STK32B: variants seen among roughly 807,000 people sequenced by gnomAD.
STK32B encodes serine/threonine-protein kinase 32B.
STK32B carries 43 observed loss-of-function variants against 52.6 expected under a neutral mutation model. That is an observed-to-expected ratio of 0.82 (90% confidence interval 0.64 to 1.05). The LOEUF (loss-of-function observed/expected upper bound fraction) is 1.05, where lower values mean the gene tolerates loss of function less well. Ranked by LOEUF, STK32B falls within the 50% of genes least tolerant of loss-of-function variation. The pLI, the probability that STK32B is intolerant of heterozygous loss-of-function variation, is 0.00. For synonymous variants in STK32B, 238 were observed against 204.3 expected, an observed-to-expected ratio of 1.17 and a Z score of -1.41; for missense variants, 621 against 534.6, an observed-to-expected ratio of 1.16 and a Z score of -1.59.
At position 5,380,173 on chromosome 4, in the gene STK32B, G is replaced by A. The variant is rs960514982; in HGVS notation, c.435-18034G>A. On this transcript the variant is annotated intron_variant, in intron 4 of 11. Coordinates refer to ENST00000282908, the MANE Select transcript of STK32B (RefSeq NM_018401.3). The surrounding 1 kb of genome is among the most constrained non-coding windows in gnomAD (Gnocchi z 4.3). ...CGCTCCTAACCAGACCCATCCTGCAGCTGGCTGTAAGCTATTTCATTATCT... is the reference window on the plus strand; with the variant it reads ...CGCTCCTAACCAGACCCATCCTGCAACTGGCTGTAAGCTATTTCATTATCT... 6.6e-6 allele frequency among the ~76,000 whole-genome samples: 1 copy of A among 152,114 alleles called. No individual in the cohort carries two copies. The highest frequency in any genetic ancestry group is 1.5e-5 in the Non-Finnish European group (1 of 68,034).
At chr4:5,104,207 A>C (rs971531792) in intron 1 of STK32B, among the ~76,000 whole-genome samples, 1 of 152,122 alleles carries the variant, frequency 6.6e-6, no homozygotes, top group African/African-American at 2.4e-5. Context: ...TTTCCCCCAT[A>C]CTGTTCTCAT....
At chr4:5,092,397 T>C (rs1014143679) in intron 1 of STK32B, among the ~76,000 whole-genome samples, 3 of 152,096 alleles carry the variant, frequency 2.0e-5, no homozygotes, top group African/African-American at 7.2e-5. Flanking sequence ...CCCAGCGTTG[T>C]GGTGGGCACC....
In STK32B at chr4:5,317,026, A is replaced by G. The variant is rs1478768147; in HGVS notation, c.261-14194A>G. ...ATATAATATATATAATATATAATAT[A>G]TATGATATAATATATTATATATATA... On this transcript the variant is annotated intron_variant, in intron 3 of 11. Coordinates refer to ENST00000282908, the MANE Select transcript of STK32B (RefSeq NM_018401.3). Among the ~76,000 whole-genome samples the G allele has an allele frequency of 2.2e-4, 10 of 44,930 alleles. 1 individual carries two copies. The highest frequency in any genetic ancestry group is 3.2e-4 in the Non-Finnish European group (10 of 31,592). 29.5% of individuals were successfully genotyped at this position (44,930 alleles called of 152,430 possible). A position where few individuals can be genotyped will look rare whatever the true frequency, so the allele number is the denominator to read the frequency against.
chr4:5,290,729 C>A (rs1238385371), intron 3 of STK32B, among the ~76,000 whole-genome samples: 1 of 150,854 alleles, frequency 6.6e-6, no homozygotes, highest in African/African-American at 2.4e-5. Context: ...ACACTGAAAA[C>A]TATAAAACAG....
intron 1 of STK32B, among the ~76,000 whole-genome samples, chr4:5,135,037 T>C (rs185899738): frequency 2.0e-5 from 3 of 152,358 alleles, no homozygotes; most frequent in Non-Finnish European, 4.4e-5. Context: ...CAACCAGATT[T>C]ACCCAGTGTG....
At chr4:5,388,300 G>GGGAT (rs1377964836) in intron 4 of STK32B, among the ~76,000 whole-genome samples, 1 of 152,228 alleles carries the variant, frequency 6.6e-6, no homozygotes, top group East Asian at 1.9e-4. Flanking sequence ...CTGCTAAGTA[G>GGGAT]GGATGGGTGC....
intron 3 of STK32B, among the ~76,000 whole-genome samples, chr4:5,251,687 T>C (rs1324041621): frequency 1.3e-5 from 2 of 152,222 alleles, no homozygotes; most frequent in Non-Finnish European, 2.9e-5. Flanking sequence ...TTTAACAATA[T>C]TGATTCTTCC....
chr4:5,448,512 A>T (rs1356085839), intron 7 of STK32B, among the ~76,000 whole-genome samples: 1 of 152,262 alleles, frequency 6.6e-6, no homozygotes, highest in African/African-American at 2.4e-5. Context: ...GGCTCCTGCC[A>T]ACAGAAAAGA....
chr4:5,496,712 T>C (rs1394638091), intron 11 of STK32B, among the ~76,000 whole-genome samples: 1 of 152,100 alleles, frequency 6.6e-6, no homozygotes, highest in Non-Finnish European at 1.5e-5. Context: ...CCCATTTTCC[T>C]GGTCTTAAGT....
intron 1 of STK32B, among the ~76,000 whole-genome samples, chr4:5,135,810 A>G (rs1209360202): frequency 6.6e-6 from 1 of 152,184 alleles, no homozygotes; most frequent in African/African-American, 2.4e-5. Context: ...ATACACAAAA[A>G]ATGCTTTCCC....
intron 4 of STK32B, among the ~76,000 whole-genome samples, chr4:5,350,069 A>G (rs563772218): frequency 7.2e-4 from 109 of 152,354 alleles, no homozygotes; most frequent in African/African-American, 2.6e-3. Flanking sequence ...TATTTAATGA[A>G]AATTCTCCAA....
intron 3 of STK32B, among the ~76,000 whole-genome samples, chr4:5,188,491 G>C (rs1186454723): frequency 2.6e-5 from 4 of 152,050 alleles, no homozygotes; most frequent in African/African-American, 9.7e-5. Context: ...TGCACTCACT[G>C]TTCTCTCTGC....
chr4:5,426,677 G>A (rs1361528139), intron 6 of STK32B, among the ~76,000 whole-genome samples: 4 of 103,514 alleles, frequency 3.9e-5, no homozygotes, highest in African/African-American at 1.6e-4. Flanking sequence ...GCAACAGGGC[G>A]AGACTCCATC....
intron 3 of STK32B, among the ~76,000 whole-genome samples, chr4:5,311,476 G>A (rs953244097): frequency 1.3e-5 from 2 of 152,056 alleles, no homozygotes; most frequent in Admixed American, 6.6e-5. Flanking sequence ...GAACAGTAGA[G>A]AAAATCAATG....
At chr4:5,373,213 A>C (rs1008121050) in intron 4 of STK32B, among the ~76,000 whole-genome samples, 1 of 152,170 alleles carries the variant, frequency 6.6e-6, no homozygotes, top group African/African-American at 2.4e-5. Context: ...CTCCAGAGAA[A>C]CAGAACCAAT....
intron 6 of STK32B, among the ~76,000 whole-genome samples, chr4:5,432,666 T>C (rs932011346): frequency 1.3e-5 from 2 of 152,310 alleles, no homozygotes; most frequent in Admixed American, 1.3e-4. Flanking sequence ...GTAATAAGAA[T>C]AGTGGCCAAA....
intron 1 of STK32B, among the ~76,000 whole-genome samples, chr4:5,136,326 C>T (rs373803834): frequency 1.3e-5 from 2 of 152,342 alleles, no homozygotes; most frequent in African/African-American, 4.8e-5. Flanking sequence ...TTTGCCTTTG[C>T]AGCAGTGCGT....
intron 11 of STK32B, among the ~76,000 whole-genome samples, chr4:5,483,186 G>A (rs576193301): frequency 6.7e-6 from 1 of 149,676 alleles, no homozygotes; most frequent in African/African-American, 2.6e-5. Context: ...TTGTACCTCT[G>A]GTAGAATTTG....
intron 3 of STK32B, among the ~76,000 whole-genome samples, chr4:5,174,020 A>T (rs190997230): frequency 1.3e-5 from 2 of 151,922 alleles, no homozygotes; most frequent in Non-Finnish European, 2.9e-5. Context: ...TAGGGTAGTT[A>T]GTTCTTGTTG....
Sources: gnomAD v4.1 joint callset for allele counts (sites outside exome capture counted in the v4.1 genomes callset) on GRCh38, gnomAD v4.1.1 for gene constraint, Gnocchi (gnomAD v3.1) non-coding constraint, MANE v1.5 for transcripts, NCBI Gene and HGNC (gene_info 2026-07-23, HGNC 2026-07-21) for gene names.